Variants in GLIS1 observed in about 807,000 individuals in gnomAD.
GLIS1 encodes GLIS family zinc finger 1.
A neutral mutation model predicts 63.8 loss-of-function variants in GLIS1; 24 were observed. The observed-to-expected ratio is 0.38, with a 90% CI of 0.27 to 0.53. The LOEUF (loss-of-function observed/expected upper bound fraction) is 0.53. Among genes scored for constraint, GLIS1 ranks in the 20% least tolerant of loss-of-function variants. The pLI is 0.85. For synonymous variants in GLIS1, 450 were observed against 482.5 expected, an observed-to-expected ratio of 0.93 and a Z score of 0.88; for missense variants, 1,036 against 1,074.1, an observed-to-expected ratio of 0.96 and a Z score of 0.50.
At chr1:53,566,015 A>G (rs1466594517) in intron 4 of GLIS1, among the ~76,000 whole-genome samples, 1 of 152,192 alleles carries the variant, frequency 6.6e-6, no homozygotes, top group Non-Finnish European at 1.5e-5. Flanking sequence ...ATTTGACATT[A>G]GTAAAGTCTG....
chr1:53,644,872 A>G (rs1032465894), intron 2 of GLIS1, among the ~76,000 whole-genome samples: 1 of 152,176 alleles, frequency 6.6e-6, no homozygotes, highest in Admixed American at 6.5e-5. Flanking sequence ...CCACTGGTAT[A>G]AAAGGATCAC....
At chr1:53,716,631 T>C (rs1646701347) in intron 2 of GLIS1, among the ~76,000 whole-genome samples, 1 of 152,088 alleles carries the variant, frequency 6.6e-6, no homozygotes. Flanking sequence ...AAAGTGCTTT[T>C]GCAACCTAAA....
chr1:53,550,087 T>A (rs1244482557), intron 4 of GLIS1, among the ~76,000 whole-genome samples: 1 of 152,234 alleles, frequency 6.6e-6, no homozygotes, highest in Admixed American at 6.5e-5. Flanking sequence ...CAGCTCATGA[T>A]ATTTTCTCTC....
At chr1:53,659,528 G>A (rs1646003439) in intron 2 of GLIS1, among the ~76,000 whole-genome samples, 1 of 152,214 alleles carries the variant, frequency 6.6e-6, no homozygotes, top group Non-Finnish European at 1.5e-5. Flanking sequence ...GTGAGTTGGT[G>A]ACAGACCAAG....
chr1:53,700,410 A>G (rs1207178605), intron 2 of GLIS1, among the ~76,000 whole-genome samples: 3 of 152,212 alleles, frequency 2.0e-5, no homozygotes, highest in Non-Finnish European at 4.4e-5. Flanking sequence ...TTCCTGTGAC[A>G]GCATCTGTGA....
intron 2 of GLIS1, among the ~76,000 whole-genome samples, chr1:53,620,816 A>C (rs150133931): frequency 2.0e-5 from 3 of 152,324 alleles, no homozygotes; most frequent in African/African-American, 7.2e-5. Flanking sequence ...TGCCTGTTCT[A>C]GCTCTAATGC....
chr1:53,579,228 G>A (rs1645061618), intron 4 of GLIS1, among the ~76,000 whole-genome samples: 1 of 152,182 alleles, frequency 6.6e-6, no homozygotes. Context: ...AGCCCCACTG[G>A]ATTTACCATC....
chr1:53,617,423 T>C (rs1645493287), intron 2 of GLIS1, among the ~76,000 whole-genome samples: 1 of 152,254 alleles, frequency 6.6e-6, no homozygotes, highest in Non-Finnish European at 1.5e-5. Context: ...GACACTAAAT[T>C]TTCCAGGAAT....
intron 4 of GLIS1, among the ~76,000 whole-genome samples, chr1:53,576,466 G>A (rs916014612): frequency 6.6e-6 from 1 of 152,146 alleles, no homozygotes; most frequent in Non-Finnish European, 1.5e-5. Context: ...AGATGGCCAT[G>A]GTGATCACTG....
At chr1:53,673,140 C>T (rs1028075123) in intron 2 of GLIS1, among the ~76,000 whole-genome samples, 1 of 152,206 alleles carries the variant, frequency 6.6e-6, no homozygotes, top group Non-Finnish European at 1.5e-5. Context: ...AGCCCCCCTT[C>T]ATTTCCCGAG....
rs777002810 is a variant in GLIS1, at chr1:53,511,282, G to C, written c.1884-1255C>G. 6.6e-6 allele frequency among the ~76,000 whole-genome samples: 1 copy of C among 152,178 alleles called. No homozygotes were observed. Among genetic ancestry groups the C allele is most frequent in the African/African-American group, 2.4e-5 (1 of 41,454 alleles). ...CAATGTCACAGCTCCAGGTGACCTC[G>C]TGACCCTTGCCCACCCTCTGAGACA... On this transcript the variant is annotated intron_variant, in intron 8 of 10. Transcript: ENST00000628545. The surrounding 1 kb of genome is among the most constrained non-coding windows in gnomAD (Gnocchi z 4.2).
At chr1:53,738,625 G>A (rs1385978115) in intron 1 of GLIS1, among the ~76,000 whole-genome samples, 1 of 152,108 alleles carries the variant, frequency 6.6e-6, no homozygotes, top group African/African-American at 2.4e-5. Context: ...GAAACCCCCA[G>A]AGACTCACCC....
chr1:53,705,103 T>C (rs547248814), intron 2 of GLIS1, among the ~76,000 whole-genome samples: 1 of 152,346 alleles, frequency 6.6e-6, no homozygotes, highest in Admixed American at 6.5e-5. Flanking sequence ...CTAGGCCTCA[T>C]GCTGCCTCCT....
intron 2 of GLIS1, among the ~76,000 whole-genome samples, chr1:53,683,674 G>A (rs1333693783): frequency 6.6e-6 from 1 of 152,194 alleles, no homozygotes; most frequent in Non-Finnish European, 1.5e-5. Flanking sequence ...GGGCAGGCAT[G>A]TGGAATGAAA....
intron 4 of GLIS1, among the ~76,000 whole-genome samples, chr1:53,551,307 T>C (rs923320897): frequency 2.0e-5 from 3 of 152,198 alleles, no homozygotes; most frequent in Admixed American, 6.5e-5. Flanking sequence ...GCCACATTTA[T>C]ACAAAGAAAT....
chr1:53,632,583 TGA>T (rs1645669029), intron 2 of GLIS1, among the ~76,000 whole-genome samples: 1 of 145,984 alleles, frequency 6.9e-6, no homozygotes, highest in African/African-American at 2.6e-5. Flanking sequence ...GGCATGTGAA[TGA>T]GTGTGACTGA....
chr1:53,652,514 G>C (rs988329855), intron 2 of GLIS1, among the ~76,000 whole-genome samples: 3 of 152,136 alleles, frequency 2.0e-5, no homozygotes, highest in Non-Finnish European at 4.4e-5. Flanking sequence ...AACCATTCTG[G>C]GATGAACAGT....
rs1015909858 is a variant in GLIS1, at chr1:53,526,462, C to A, written c.1483-1575G>T. ...TGGGAGGGAGAGCGGAGGCCTGCCG[C>A]GGATGGCCCCTGCTGCCCCCAGCCC... is the stretch of plus-strand genomic sequence containing the variant. On this transcript the variant is annotated intron_variant, in intron 5 of 10. Coordinates refer to ENST00000628545, the MANE Select transcript of GLIS1 (RefSeq NM_001367484.1). This position sits in a 1 kb window ranked among gnomAD's most constrained non-coding sequence, Gnocchi z 4.4. Among the ~76,000 whole-genome samples, 2 of 152,112 alleles carry A rather than the reference C, an allele frequency of 1.3e-5. No homozygotes were observed. Among genetic ancestry groups the A allele is most frequent in the Admixed American group, 6.5e-5 (1 of 15,280 alleles).
intron 2 of GLIS1, among the ~76,000 whole-genome samples, chr1:53,709,333 TATATATAC>T (rs1362733575): frequency 2.8e-5 from 4 of 144,754 alleles, no homozygotes; most frequent in African/African-American, 1.1e-4. Flanking sequence ...AATATACACA[TATATATAC>T]ATATATACAT....
Sources: allele counts gnomAD v4.1 joint callset (sites outside exome capture counted in the v4.1 genomes callset), GRCh38; gene constraint gnomAD v4.1.1; non-coding constraint Gnocchi (gnomAD v3.1); transcripts MANE v1.5; gene names NCBI Gene and HGNC (gene_info 2026-07-23, HGNC 2026-07-21).